FMN1: variants seen among roughly 807,000 people sequenced by gnomAD.
FMN1 encodes the protein formin-1.
FMN1 carries 110 observed loss-of-function variants against 132.4 expected under a neutral mutation model. That is an observed-to-expected ratio of 0.83 (90% CI 0.71 to 0.97). The LOEUF is 0.97. Ranked by LOEUF, FMN1 falls within the 50% of genes least tolerant of loss-of-function variation. The probability of loss-of-function intolerance (pLI) is 0.00; values close to 1 mark genes in which losing one functional copy is unlikely to be tolerated. For synonymous variants in FMN1, 722 were observed against 651.7 expected, an observed-to-expected ratio of 1.11 and a Z score of -1.64; for missense variants, 1,792 against 1,705.3, an observed-to-expected ratio of 1.05 and a Z score of -0.90.
intron 5 of FMN1, among the ~76,000 whole-genome samples, chr15:33,075,043 A>G (rs2038151323): frequency 6.7e-6 from 1 of 149,774 alleles, no homozygotes; most frequent in East Asian, 2.0e-4. Context: ...AAAAAAAAAA[A>G]AAAAGAACAG....
chr15:32,987,568 G>GA (rs1328844068), intron 7 of FMN1, among the ~76,000 whole-genome samples: 1 of 152,028 alleles, frequency 6.6e-6, no homozygotes, highest in East Asian at 1.9e-4. Flanking sequence ...GTGTTTGAAA[G>GA]AAAAAAACTT....
At chr15:33,065,781 G>A (rs143723431) in intron 5 of FMN1, among the ~76,000 whole-genome samples, 124 of 152,206 alleles carry the variant, frequency 8.1e-4, no homozygotes, top group Middle Eastern at 3.4e-3. Context: ...TCTTCTGATC[G>A]TTTAAGATCT....
intron 6 of FMN1, among the ~76,000 whole-genome samples, chr15:33,047,327 T>C (rs1265945349): frequency 6.6e-6 from 1 of 152,238 alleles, no homozygotes; most frequent in Non-Finnish European, 1.5e-5. Flanking sequence ...TAACCTTAGT[T>C]CAGGCTTCTT....
chr15:33,116,363 G>A (rs1041750124), intron 4 of FMN1, among the ~76,000 whole-genome samples: 1 of 152,076 alleles, frequency 6.6e-6, no homozygotes, highest in African/African-American at 2.4e-5. Context: ...CAACAAATCC[G>A]AGGCAGCCAA....
chr15:33,115,024 T>A (rs1566928417), intron 4 of FMN1, among the ~76,000 whole-genome samples: 2 of 152,178 alleles, frequency 1.3e-5, no homozygotes, highest in African/African-American at 4.8e-5. Context: ...ATTGATTTTA[T>A]AGAGTCCTCA....
intron 16 of FMN1, among the ~76,000 whole-genome samples, chr15:32,878,605 T>C (rs1014195839): frequency 1.3e-5 from 2 of 152,176 alleles, no homozygotes; most frequent in Non-Finnish European, 2.9e-5. Context: ...TGGCATATGC[T>C]ATGAAAAGGG....
At chr15:32,891,215 G>A (rs557526247) in intron 15 of FMN1, among the ~76,000 whole-genome samples, 7 of 152,194 alleles carry the variant, frequency 4.6e-5, no homozygotes, top group East Asian at 1.9e-4. Flanking sequence ...CTTGGCTCCC[G>A]CCACGTGGGT....
Position 33,085,948 on chromosome 15 carries a change from T to C in FMN1, c.2043+2851A>G, listed in dbSNP as rs1363864308. On this transcript the variant is annotated intron_variant, in intron 5 of 20. Coordinates refer to ENST00000616417, the MANE Select transcript of FMN1 (RefSeq NM_001277313.2). ...GCCTGGATAAGCAGTTTAAGAGTAA[T>C]TGTTTGAAAGAGAGAGGAGGAGACC... is the stretch of plus-strand genomic sequence containing the variant. Among the ~76,000 whole-genome samples, 7 of 152,054 alleles carry C rather than the reference T, an allele frequency of 4.6e-5. No individual in the cohort carries two copies. The East Asian group carries it at 7.7e-4, about 17-fold the overall frequency.
intron 7 of FMN1, among the ~76,000 whole-genome samples, chr15:32,986,834 T>C (rs770738424): frequency 2.0e-5 from 3 of 152,180 alleles, no homozygotes; most frequent in Non-Finnish European, 2.9e-5. Context: ...TTGATATTCA[T>C]CTCCATAATT....
At chr15:32,865,072 C>T (rs74553269) in intron 16 of FMN1, among the ~76,000 whole-genome samples, 225 of 151,908 alleles carry the variant, frequency 1.5e-3, no homozygotes, top group African/African-American at 5.2e-3. Context: ...AGAGACAAAG[C>T]GGATTAGTAG....
intron 3 of FMN1, among the ~76,000 whole-genome samples, chr15:33,177,802 CGA>C (rs1237415114): frequency 6.6e-6 from 1 of 152,030 alleles, no homozygotes; most frequent in Non-Finnish European, 1.5e-5. Flanking sequence ...GTCAGGAGTT[CGA>C]GACCAGCCAG....
chr15:32,827,124 T>C (rs2058386238), intron 17 of FMN1, among the ~76,000 whole-genome samples: 1 of 152,156 alleles, frequency 6.6e-6, no homozygotes, highest in South Asian at 2.1e-4. Flanking sequence ...CAAGGTTCAC[T>C]TTACTGAGTG....
intron 6 of FMN1, among the ~76,000 whole-genome samples, chr15:33,049,679 TA>T (rs1471905231): frequency 6.6e-6 from 1 of 152,236 alleles, no homozygotes; most frequent in African/African-American, 2.4e-5. Flanking sequence ...AGTGGAGATG[TA>T]AACTGACCTC....
intron 19 of FMN1, among the ~76,000 whole-genome samples, chr15:32,777,510 C>CACATTTATATATTATGTATAATATA (rs1567149268): frequency 2.2e-5 from 2 of 90,568 alleles, no homozygotes; most frequent in East Asian, 2.4e-4. Flanking sequence ...TAACATATAA[C>CACATTTATATATTATGTATAATATA]ACATTTATAT....
intron 9 of FMN1, among the ~76,000 whole-genome samples, chr15:32,945,120 G>T (rs988914967): frequency 6.6e-6 from 1 of 152,078 alleles, no homozygotes; most frequent in Non-Finnish European, 1.5e-5. Context: ...AATCTTCTAG[G>T]TGATTATGTT....
intron 4 of FMN1, among the ~76,000 whole-genome samples, chr15:33,123,955 A>G (rs1962808451): frequency 6.6e-6 from 1 of 152,220 alleles, no homozygotes; most frequent in African/African-American, 2.4e-5. Context: ...AATCATTACA[A>G]CTTCACAATT....
chr15:33,117,524 G>GA (rs969781834), intron 4 of FMN1, among the ~76,000 whole-genome samples: 1 of 152,096 alleles, frequency 6.6e-6, no homozygotes, highest in Non-Finnish European at 1.5e-5. Context: ...TATGCTTTTG[G>GA]AAAATCTGAA....
At chr15:33,011,760 T>G (rs1191419400) in intron 6 of FMN1, among the ~76,000 whole-genome samples, 1 of 151,870 alleles carries the variant, frequency 6.6e-6, no homozygotes, top group Admixed American at 6.6e-5. Context: ...CTATAGAAAA[T>G]GAAGCCCATG....
intron 4 of FMN1, among the ~76,000 whole-genome samples, chr15:33,125,595 T>C (rs1486816072): frequency 6.6e-6 from 1 of 152,140 alleles, no homozygotes; most frequent in Non-Finnish European, 1.5e-5. Flanking sequence ...ATCCCAGCAC[T>C]TCGGAAGGCC....
Sources: gnomAD v4.1 joint callset for allele counts (sites outside exome capture counted in the v4.1 genomes callset) on GRCh38, gnomAD v4.1.1 for gene constraint, MANE v1.5 for transcripts, NCBI Gene and HGNC (gene_info 2026-07-23, HGNC 2026-07-21) for gene names.